Variants in UQCRC2 observed in about 807,000 individuals in gnomAD.
UQCRC2 encodes ubiquinol-cytochrome c reductase core protein 2, also known as cytochrome b-c1 complex subunit 2, mitochondrial.
Under a neutral mutation model 55.6 loss-of-function variants are expected in UQCRC2, and 49 were observed. The ratio of observed to expected loss-of-function variants is 0.88; its 90% CI spans 0.70 to 1.12. The LOEUF is 1.12. UQCRC2 is among the 50% of genes most tolerant of loss of function. The probability of loss-of-function intolerance (pLI) is 0.00; values close to 1 mark genes in which losing one functional copy is unlikely to be tolerated. For missense variants in UQCRC2, 506 were observed against 547.8 expected (o/e 0.92, Z 0.76); for synonymous variants, 193 against 192.0 (o/e 1.01, Z -0.04).
Position 21,973,949 on chromosome 16 carries a change from T to C in UQCRC2, c.1020T>C (p.Thr340=), listed in dbSNP as rs2141943398. ...ATTCTGGACTCTTTGGGATTTATAC[T>C]ATCTCCCAGGCCACAGCTGCTGGAG... is the stretch of plus-strand genomic sequence containing the variant. The part of the protein sequence containing the change: ...YSDSGLFGIY[T]ISQATAAGDV... The change falls in exon 11 of 14, where the codon ACT becomes ACC. Residue 340 remains threonine, a synonymous_variant. Transcript: ENST00000268379. 2 of 1,611,398 alleles carry C rather than the reference T, an allele frequency of 1.2e-6. No individual in the cohort carries two copies. Among genetic ancestry groups the C allele is most frequent in the Non-Finnish European group, 1.7e-6 (2 of 1,179,252 alleles).
chr16:21,953,571 G>C, intron 1 of UQCRC2, 115 bp downstream of exon 1: 1 of 1,355,074 alleles, frequency 7.4e-7, no homozygotes, highest in East Asian at 2.5e-5. Context: ...CTGCCCTTCA[G>C]CTGAACCCTG....
At chr16:21,968,000 C>CTTTT (rs544335331) in intron 7 of UQCRC2, among the ~76,000 whole-genome samples, 5 of 137,132 alleles carry the variant, frequency 3.6e-5, no homozygotes, top group Non-Finnish European at 6.4e-5. Flanking sequence ...CTTTTTATTC[C>CTTTT]TTTTTTTTTT....
At chr16:21,954,924 G>A (rs965067766) in intron 1 of UQCRC2, among the ~76,000 whole-genome samples, 1 of 151,328 alleles carries the variant, frequency 6.6e-6, no homozygotes, top group African/African-American at 2.4e-5. Flanking sequence ...TGGTGGTGGT[G>A]GGCGCCTCTA....
At chr16:21,960,417 A>G (rs1304930146) in intron 4 of UQCRC2, among the ~76,000 whole-genome samples, 1 of 152,226 alleles carries the variant, frequency 6.6e-6, no homozygotes, top group Non-Finnish European at 1.5e-5. Context: ...ATTGCTCTGG[A>G]TTAAGCTTTG....
intron 4 of UQCRC2, chr16:21,962,234 T>C (rs1467538752): frequency 3.6e-6 from 2 of 552,522 alleles, no homozygotes; most frequent in Non-Finnish European, 6.5e-6. Context: ...TCATCTGTGT[T>C]GTAACATGTG....
intron 12 of UQCRC2, 95 bp from the exon 13 acceptor site, chr16:21,980,452 A>G: frequency 7.4e-6 from 10 of 1,350,742 alleles, no homozygotes; most frequent in Non-Finnish European, 9.2e-6. Context: ...TATCCATTAA[A>G]TAAAGCTTTG....
chr16:21,972,259 G>A, intron 10 of UQCRC2, 137 bp downstream of exon 10: 1 of 1,159,350 alleles, frequency 8.6e-7, no homozygotes, highest in Non-Finnish European at 1.2e-6. Flanking sequence ...AGCCAGGCTT[G>A]ATTTTAGTAT....
At chr16:21,956,369 C>T (rs911034836) in intron 1 of UQCRC2, among the ~76,000 whole-genome samples, 4 of 151,984 alleles carry the variant, frequency 2.6e-5, no homozygotes, top group African/African-American at 4.8e-5. Context: ...TGGGGTGAAA[C>T]GCCATCTCTA....
At chr16:21,959,132 G>GTAA (rs1898143952) in intron 4 of UQCRC2, among the ~76,000 whole-genome samples, 1 of 152,156 alleles carries the variant, frequency 6.6e-6, no homozygotes, top group Non-Finnish European at 1.5e-5. Flanking sequence ...GAAGGTGGTG[G>GTAA]TGACTGATAA....
intron 8 of UQCRC2, 79 bp downstream of exon 8, chr16:21,968,764 A>C: frequency 7.6e-7 from 1 of 1,313,168 alleles, no homozygotes; most frequent in Non-Finnish European, 1.0e-6. Context: ...TGAACATAGG[A>C]TTGAACAAAA....
intron 6 of UQCRC2, among the ~76,000 whole-genome samples, chr16:21,963,462 T>TTTTG (rs911131569): frequency 8.6e-5 from 13 of 151,936 alleles, no homozygotes; most frequent in South Asian, 2.1e-4. Flanking sequence ...AATGTTTTGT[T>TTTTG]TTTGTTTGTT....
At position 21,957,521 on chromosome 16, in the gene UQCRC2, C is replaced by A; in HGVS notation, c.222C>A (p.Phe74Leu). The A allele has an allele frequency of 6.2e-7, 1 of 1,614,180 alleles. No homozygotes were observed. Among genetic ancestry groups the A allele is most frequent in the African/African-American group, 1.3e-5 (1 of 75,034 alleles). ...AAGCAGGCAGTAGATATGAGGACTT[C>A]AGCAATTTAGGAACCACCCATTTGC... ...FIKAGSRYED[F>L]SNLGTTHLLR... is the part of the protein sequence containing the mutation. The change falls in exon 3 of 14, where the codon TTC becomes TTA. Residue 74 changes from phenylalanine (F) to leucine (L), a missense_variant. Coordinates refer to ENST00000268379, the MANE Select transcript of UQCRC2 (RefSeq NM_003366.4).
At position 21,968,561 on chromosome 16, in the gene UQCRC2, T is replaced by G. The variant is rs186427842; in HGVS notation, c.613-67T>G. On this transcript the variant is annotated intron_variant, in intron 7 of 13. Coordinates refer to ENST00000268379, the MANE Select transcript of UQCRC2 (RefSeq NM_003366.4). ...GTATTTATTTTCTTCCAAACTGTAC[T>G]TTTATGTTTTTACAGCTTTTTATAT... 3,444 of 1,440,192 alleles carry G rather than the reference T, an allele frequency of 2.4e-3. 6 individuals carry two copies. The highest frequency in any genetic ancestry group is 2.8e-3 in the Non-Finnish European group (3,004 of 1,058,202). The allele number at this position is 1,440,192 out of a possible 1,614,324, so 89.2% of individuals were successfully genotyped here. A position where few individuals can be genotyped will look rare whatever the true frequency, so the allele number is the denominator to read the frequency against.
intron 7 of UQCRC2, among the ~76,000 whole-genome samples, chr16:21,965,779 A>G (rs1806666253): frequency 6.6e-6 from 1 of 152,190 alleles, no homozygotes; most frequent in Admixed American, 6.5e-5. Context: ...AACATCTCAC[A>G]TACCTAAAGG....
chr16:21,956,104 C>T (rs575927814), intron 1 of UQCRC2, among the ~76,000 whole-genome samples: 2 of 152,212 alleles, frequency 1.3e-5, no homozygotes, highest in South Asian at 2.1e-4. Context: ...GGATTACAGG[C>T]GTGAGCCACC....
At chr16:21,962,969 C>A in intron 6 of UQCRC2, 84 bp downstream of exon 6, 2 of 1,459,366 alleles carry the variant, frequency 1.4e-6, no homozygotes, top group Non-Finnish European at 1.8e-6. Flanking sequence ...AAATTGCTGT[C>A]AAAATTTTTA....
intron 3 of UQCRC2, among the ~76,000 whole-genome samples, chr16:21,957,844 C>A (rs1166763331): frequency 6.6e-6 from 1 of 152,218 alleles, no homozygotes; most frequent in East Asian, 1.9e-4. Flanking sequence ...CTGTTCCTAG[C>A]TTCCAGCAGT....
intron 12 of UQCRC2, chr16:21,980,337 C>A: frequency 1.8e-6 from 1 of 559,028 alleles, no homozygotes; most frequent in Non-Finnish European, 3.1e-6. Context: ...CTTTGGCAAC[C>A]CTGAAGAGAC....
intron 7 of UQCRC2, among the ~76,000 whole-genome samples, chr16:21,966,616 G>C (rs1192253570): frequency 6.6e-6 from 1 of 152,056 alleles, no homozygotes; most frequent in Non-Finnish European, 1.5e-5. Flanking sequence ...TGCTCTTTTT[G>C]ACTTATCAAT....
Sources: gnomAD v4.1 joint callset for allele counts (sites outside exome capture counted in the v4.1 genomes callset) on GRCh38, gnomAD v4.1.1 for gene constraint, MANE v1.5 for transcripts, NCBI Gene and HGNC (gene_info 2026-07-23, HGNC 2026-07-21) for gene names.